The following PER2 variants were observed in gnomAD, a reference collection of about 807,000 sequenced individuals.
PER2 encodes period circadian regulator 2, also known as period circadian protein homolog 2.
In PER2, 66 loss-of-function variants were observed where a neutral mutation model predicts 121.0. That is an observed-to-expected ratio of 0.55 (90% CI 0.45 to 0.67). The LOEUF is 0.67. Among genes scored for constraint, PER2 ranks in the 30% least tolerant of loss-of-function variants. The pLI, the probability that PER2 is intolerant of heterozygous loss-of-function variation, is 0.00. For missense variants in PER2, 1,521 were observed against 1,635.0 expected (o/e 0.93, Z 1.20); for synonymous variants, 684 against 659.9 (o/e 1.04, Z -0.56).
intron 18 of PER2, chr2:238,255,395 G>GC: frequency 1.8e-6 from 1 of 561,266 alleles, no homozygotes; most frequent in Non-Finnish European, 3.2e-6. Flanking sequence ...GGACATGGCA[G>GC]CACTGCCCTG....
At chr2:238,251,958 G>A (rs1695616979) in intron 19 of PER2, among the ~76,000 whole-genome samples, 197 bp from the exon 20 acceptor site, 2 of 152,262 alleles carry the variant, frequency 1.3e-5, no homozygotes, top group South Asian at 4.1e-4. Context: ...TTCCACTGAT[G>A]CTCTATGGAT....
chr2:238,276,084 G>C (rs942274552), intron 3 of PER2, among the ~76,000 whole-genome samples, 187 bp from the exon 4 acceptor site: 1 of 123,876 alleles, frequency 8.1e-6, no homozygotes, highest in African/African-American at 3.6e-5. Context: ...GTGGCCCTTT[G>C]TGGGGCTCTG....
chr2:238,275,891 G>C lies in PER2; in HGVS notation c.300C>G (p.Asp100Glu), dbSNP rs1377920527. 3 of 1,614,240 alleles carry C rather than the reference G, an allele frequency of 1.9e-6. No homozygotes were observed. The highest frequency in any genetic ancestry group is 2.5e-6 in the Non-Finnish European group (3 of 1,180,038). The change falls in exon 4 of 23, where the codon GAC becomes GAG. Residue 100 changes from aspartate to glutamate, a missense_variant. Physicochemically the swap from Asp to Glu is conservative, Grantham distance 45. Transcript: ENST00000254657. ...HNPSTSGCSS[D>E]QSSKVDTHKE... ...TGTGTGTGTCCACTTTCGAAGACTG[G>C]TCGCTACTGCAGGATTCAAGAAAGA...
At chr2:238,298,031 C>CTTTTTTTTTTT in the PER2 span, among the ~76,000 whole-genome samples, 1 of 128,416 alleles carries the variant, frequency 7.8e-6, no homozygotes, top group Non-Finnish European at 1.6e-5. Flanking sequence ...AGCTTTTGTT[C>CTTTTTTTTTTT]TTTTTTTTTT....
At chr2:238,293,555 T>C, upstream of PER2, among the ~76,000 whole-genome samples, 1 of 151,898 alleles carries the variant, frequency 6.6e-6, no homozygotes, top group East Asian at 1.9e-4. Flanking sequence ...GCCAACATGG[T>C]GAAACTCCGT....
the PER2 span, chr2:238,295,434 C>G: frequency 6.6e-6 from 1 of 152,116 alleles, no homozygotes; most frequent in Non-Finnish European, 1.5e-5. Flanking sequence ...TTGGTGCAAT[C>G]ATAGCTCAGT....
chr2:238,273,912 C>T (rs959896438), intron 4 of PER2, among the ~76,000 whole-genome samples: 4 of 152,104 alleles, frequency 2.6e-5, no homozygotes, highest in Admixed American at 6.5e-5. Flanking sequence ...ATGATCTGCC[C>T]GCCTCGGCCT....
chr2:238,251,692 G>A lies in PER2; in HGVS notation c.3181C>T (p.Leu1061=). The A allele has an allele frequency of 2.5e-6, 4 of 1,614,052 alleles. No individual in the cohort carries two copies. The highest frequency in any genetic ancestry group is 3.4e-6 in the Non-Finnish European group (4 of 1,179,878). ...STSSGLLNLL[L]NEDLCSASGS... is the part of the protein sequence containing the mutation. ...GAGGCTGAGCAGAGGTCCTCATTCA[G>A]CAGGAGGTTTAGGAGGCCGCTTGAC... Residue 1061 remains leucine, a synonymous_variant, in exon 20 of 23, where the codon CTG becomes TTG. Transcript: ENST00000254657.
At chr2:238,298,518 C>G in the PER2 span, 4 of 152,176 alleles carry the variant, frequency 2.6e-5, no homozygotes, top group African/African-American at 4.8e-5. Context: ...TTGTAATGAC[C>G]AGGGGTCAGC....
At position 238,273,166 on chromosome 2, in the gene PER2, C is replaced by T. The variant is rs1467283016; in HGVS notation, c.474G>A (p.Leu158=). Reference sequence around the variant, plus strand: ...CACAGGGGTGACCCTCGCTGGACATCAGCAGCTGGTAATACTCTTCATTGG... The same window carrying T: ...CACAGGGGTGACCCTCGCTGGACATTAGCAGCTGGTAATACTCTTCATTGG... ...VKANEEYYQL[L]MSSEGHPCGA... is the part of the protein sequence containing the mutation. The change falls in exon 5 of 23, where the codon CTG becomes CTA. Residue 158 remains leucine, a synonymous_variant. Transcript: ENST00000254657. 1.9e-6 allele frequency: 3 copies of T among 1,613,968 alleles called. No homozygotes were observed. Among genetic ancestry groups the T allele is most frequent in the Non-Finnish European group, 2.5e-6 (3 of 1,179,950 alleles).
intron 4 of PER2, among the ~76,000 whole-genome samples, chr2:238,274,951 G>C (rs1156426841): frequency 6.6e-6 from 1 of 152,172 alleles, no homozygotes; most frequent in Non-Finnish European, 1.5e-5. Flanking sequence ...AGGGACCCCA[G>C]AGATGAGTGC....
chr2:238,247,786 A>T (rs983042217), intron 22 of PER2, among the ~76,000 whole-genome samples: 6 of 152,178 alleles, frequency 3.9e-5, no homozygotes, highest in African/African-American at 1.4e-4. Context: ...ATGAGGTAGA[A>T]GATGTGGATA....
rs1198946245 is a variant in PER2 at position 238,277,141 on chromosome 2, T to G, written c.283A>C (p.Ser95Arg). 26 of 1,611,800 alleles carry G rather than the reference T, an allele frequency of 1.6e-5. No individual in the cohort carries two copies. Among genetic ancestry groups the G allele is most frequent in the East Asian group, 2.2e-5 (1 of 44,876 alleles). ...MAKSEHNPST[S>R]GCSSDQSSKV... Reference sequence around the variant, plus strand: ...TCTAATTGGCCTTACCTGCAGCCACTTGTAGATGGGTTGTGTTCAGATTTT... The same window carrying G: ...TCTAATTGGCCTTACCTGCAGCCACGTGTAGATGGGTTGTGTTCAGATTTT... The change falls in exon 3 of 23, where the codon AGT (serine) becomes CGT (arginine). Residue 95 changes from serine to arginine, a missense_variant. By Grantham distance (110) the Ser-to-Arg change is moderately radical (BLOSUM62 -1). Transcript: ENST00000254657.
intron 1 of PER2, among the ~76,000 whole-genome samples, chr2:238,286,207 A>G (rs925348725): frequency 2.6e-5 from 4 of 152,332 alleles, no homozygotes; most frequent in Non-Finnish European, 4.4e-5. Flanking sequence ...AATTGCAGGA[A>G]GCTCAGGCAT....
chr2:238,253,577 GC>G lies in PER2; in HGVS notation c.2445del (p.Val817CysfsTer10). The G allele has an allele frequency of 6.2e-7, 1 of 1,609,936 alleles. No homozygotes were observed. Among genetic ancestry groups the G allele is most frequent in the Non-Finnish European group, 8.5e-7 (1 of 1,178,196 alleles). ...ACCAGCGGGGGCCGGGCGGACACGGGCCCCCCAGATCCGGTGCTCTCAGATG... is the reference window on the plus strand; with the variant it reads ...ACCAGCGGGGGCCGGGCGGACACGGGCCCCCAGATCCGGTGCTCTCAGATG... ...RDSSESTGSG[G>X]PVSARPPLVG... is the part of the protein sequence containing the mutation. On this transcript the variant is annotated frameshift_variant, in exon 19 of 23. Transcript: ENST00000254657. LOFTEE classifies it high-confidence loss of function. The surrounding 1 kb of genome is among the most constrained non-coding windows in gnomAD (Gnocchi z 5.6).
chr2:238,269,966 C>T (rs903722210), intron 6 of PER2, among the ~76,000 whole-genome samples: 1 of 152,262 alleles, frequency 6.6e-6, no homozygotes, highest in Non-Finnish European at 1.5e-5. Flanking sequence ...CCCTCTGAAG[C>T]CGGTGTGCCA....
Position 238,257,092 on chromosome 2 carries a change from T to G in PER2, c.1901-6A>C. The G allele has an allele frequency of 2.5e-6, 4 of 1,610,528 alleles. No homozygotes were observed. In the South Asian group the frequency reaches 4.4e-5, roughly 18 times the overall value. ...CCTGGAGGGCGGCTCTGCCTCTTCATGAGAGGAAGGGGGAACAAACATTAG... is the reference window on the plus strand; with the variant it reads ...CCTGGAGGGCGGCTCTGCCTCTTCAGGAGAGGAAGGGGGAACAAACATTAG... On this transcript the variant is annotated splice_region_variant and splice_polypyrimidine_tract_variant and intron_variant, in intron 16 of 22. Transcript: ENST00000254657.
intron 3 of PER2, 43 bp downstream of exon 3, chr2:238,277,088 A>G: frequency 7.1e-7 from 1 of 1,413,408 alleles, no homozygotes; most frequent in Non-Finnish European, 1.0e-6. Context: ...AAGTCTTTCA[A>G]TTTCTCTAAA....
chr2:238,273,501 T>G (rs1422158015), intron 4 of PER2, among the ~76,000 whole-genome samples: 1 of 151,576 alleles, frequency 6.6e-6, no homozygotes, highest in African/African-American at 2.4e-5. Context: ...GAAGGGGCTT[T>G]TTTTTTTTTT....
Sources: allele counts gnomAD v4.1 joint callset (sites outside exome capture counted in the v4.1 genomes callset), GRCh38; gene constraint gnomAD v4.1.1; non-coding constraint Gnocchi (gnomAD v3.1); transcripts MANE v1.5; gene names NCBI Gene and HGNC (gene_info 2026-07-23, HGNC 2026-07-21).